The following CNOT1 variants were observed in gnomAD, a reference collection of about 807,000 sequenced individuals.
CNOT1 encodes CCR4-associated factor 1.
Under a neutral mutation model 273.8 loss-of-function variants are expected in CNOT1, and 15 were observed. That is an observed-to-expected ratio of 0.05 (90% CI 0.04 to 0.08). The LOEUF (loss-of-function observed/expected upper bound fraction) is 0.08. Among genes scored for constraint, CNOT1 ranks in the 10% least tolerant of loss-of-function variants. CNOT1 has a pLI of 1.00. For synonymous variants in CNOT1, 1,022 were observed against 1,005.5 expected (o/e 1.02, Z -0.31); for missense variants, 1,644 against 2,912.2 (o/e 0.56, Z 10.02).
intron 39 of CNOT1, 83 bp from the exon 40 acceptor site, chr16:58,534,478 A>G: frequency 7.0e-7 from 1 of 1,421,552 alleles, no homozygotes; most frequent in Non-Finnish European, 9.5e-7. Flanking sequence ...CAGGCTTAAG[A>G]GATATTCTCA....
chr16:58,543,598 C>A lies in CNOT1; in HGVS notation c.4434+9G>T, dbSNP rs754059491. On this transcript the variant is annotated intron_variant, in intron 31 of 48. Transcript: ENST00000317147. Reference sequence around the variant, plus strand: ...TTTTGTACCTATACCAAGGAAATAGCCAACTTACACGAAGGGCTGAGGCAA... The same window carrying A: ...TTTTGTACCTATACCAAGGAAATAGACAACTTACACGAAGGGCTGAGGCAA... 1.9e-6 allele frequency: 3 copies of A among 1,613,996 alleles called. No homozygotes were observed.
chr16:58,523,201 C>CG, intron 47 of CNOT1, 169 bp downstream of exon 47: 1 of 505,568 alleles, frequency 2.0e-6, no homozygotes, highest in East Asian at 3.6e-5. Flanking sequence ...GCCAAGATGG[C>CG]GCCACTGTAC....
chr16:58,538,311 T>C (rs756169869), intron 36 of CNOT1, 45 bp from the exon 37 acceptor site: 3 of 858,442 alleles, frequency 3.5e-6, no homozygotes, highest in South Asian at 2.7e-5. Context: ...TTAACCATAC[T>C]GTAAAAGGGC....
chr16:58,546,876 T>TA, intron 27 of CNOT1, 127 bp from the exon 28 acceptor site: 2 of 1,236,892 alleles, frequency 1.6e-6, no homozygotes, highest in East Asian at 2.5e-5. Flanking sequence ...AAACAAGGAT[T>TA]AAAAAATAAC....
Position 58,603,408 on chromosome 16 carries a change from A to AGTGTGT in CNOT1, c.-174-3903_-174-3898dup, listed in dbSNP as rs200088613. Among the ~76,000 whole-genome samples, 573 of 96,698 alleles carry AGTGTGT rather than the reference A, an allele frequency of 5.9e-3. 3 individuals carry two copies. Among genetic ancestry groups the AGTGTGT allele is most frequent in the Non-Finnish European group, 7.1e-3 (294 of 41,132 alleles). 63.4% of individuals were successfully genotyped at this position (96,698 alleles called of 152,430 possible). A position where few individuals can be genotyped will look rare whatever the true frequency, so the allele number is the denominator to read the frequency against. ...CTAGACCCTATCTCTACAATTTAAA[A>AGTGTGT]GTGTGTGTGTGTGTGTGTGTGTGTG... is the stretch of plus-strand genomic sequence containing the variant. On this transcript the variant is annotated intron_variant, in intron 1 of 48. Transcript: ENST00000317147.
intron 1 of CNOT1, among the ~76,000 whole-genome samples, chr16:58,610,009 C>A (rs778641931): frequency 1.3e-5 from 2 of 152,060 alleles, no homozygotes; most frequent in African/African-American, 2.4e-5. Flanking sequence ...ATAGAAAACA[C>A]AAAAGGAAAC....
At position 58,588,780 on chromosome 16, in the gene CNOT1, C is replaced by T; in HGVS notation, c.210+19G>A. On this transcript the variant is annotated intron_variant, in intron 3 of 48. Coordinates refer to ENST00000317147, the MANE Select transcript of CNOT1 (RefSeq NM_016284.5). Reference sequence around the variant, plus strand: ...ACAATTACAGCTAAGTGGACATGAACTCTGTAAGCCCCAAATACCTGATGG... The same window carrying T: ...ACAATTACAGCTAAGTGGACATGAATTCTGTAAGCCCCAAATACCTGATGG... 1.2e-6 allele frequency: 2 copies of T among 1,610,816 alleles called. No individual in the cohort carries two copies. The highest frequency in any genetic ancestry group is 2.2e-5 in the East Asian group (1 of 44,802).
intron 17 of CNOT1, among the ~76,000 whole-genome samples, chr16:58,559,089 G>C (rs146273139): frequency 6.6e-6 from 1 of 152,060 alleles, no homozygotes; most frequent in Non-Finnish European, 1.5e-5. Flanking sequence ...ATTTTATACA[G>C]TTTTTTTAAA....
At chr16:58,606,015 A>T (rs929664672) in intron 1 of CNOT1, among the ~76,000 whole-genome samples, 1 of 152,138 alleles carries the variant, frequency 6.6e-6, no homozygotes, top group Non-Finnish European at 1.5e-5. Flanking sequence ...TGCACAGTGC[A>T]AATGAAAGGT....
intron 8 of CNOT1, among the ~76,000 whole-genome samples, chr16:58,584,342 C>T (rs1373680451): frequency 6.6e-6 from 1 of 151,200 alleles, no homozygotes; most frequent in Non-Finnish European, 1.5e-5. Context: ...GTTAGTCTCG[C>T]TTTTTTTTGA....
At chr16:58,581,730 C>G (rs1055368750) in intron 10 of CNOT1, among the ~76,000 whole-genome samples, 1 of 151,972 alleles carries the variant, frequency 6.6e-6, no homozygotes, top group Non-Finnish European at 1.5e-5. Context: ...GGCATGATCT[C>G]AGCTCACTGA....
intron 16 of CNOT1, among the ~76,000 whole-genome samples, chr16:58,563,686 G>GT (rs1313457016): frequency 7.9e-5 from 12 of 152,116 alleles, no homozygotes; most frequent in Non-Finnish European, 1.6e-4. Context: ...TAGAGATACC[G>GT]TATCTCCATG....
At chr16:58,604,508 G>A (rs927389657) in intron 1 of CNOT1, among the ~76,000 whole-genome samples, 1 of 151,870 alleles carries the variant, frequency 6.6e-6, no homozygotes, top group Non-Finnish European at 1.5e-5. Context: ...AAGGCTGGGC[G>A]CGGTGGCTCA....
At chr16:58,626,325 T>A (rs2043579154) in intron 1 of CNOT1, among the ~76,000 whole-genome samples, 1 of 146,254 alleles carries the variant, frequency 6.8e-6, no homozygotes, top group East Asian at 2.1e-4. Context: ...AAGAATCGCT[T>A]GAACCTGCGA....
At chr16:58,558,432 A>G (rs746885525) in intron 18 of CNOT1, 41 bp downstream of exon 18, 2 of 1,610,976 alleles carry the variant, frequency 1.2e-6, no homozygotes, top group Non-Finnish European at 1.7e-6. Flanking sequence ...AACTAAGGCA[A>G]ACTTATGAAT....
chr16:58,569,191 C>T (rs762257771), intron 16 of CNOT1, among the ~76,000 whole-genome samples: 9 of 152,208 alleles, frequency 5.9e-5, no homozygotes, highest in Middle Eastern at 3.2e-3. Context: ...GGCACAAACT[C>T]GGCTCAGTGT....
intron 1 of CNOT1, among the ~76,000 whole-genome samples, chr16:58,603,853 C>T (rs1185004165): frequency 6.6e-6 from 1 of 152,170 alleles, no homozygotes; most frequent in East Asian, 1.9e-4. Context: ...CATTTTTCCA[C>T]ATCATATAAA....
At chr16:58,578,123 G>C (rs1014028149) in intron 13 of CNOT1, among the ~76,000 whole-genome samples, 1 of 152,158 alleles carries the variant, frequency 6.6e-6, no homozygotes, top group Non-Finnish European at 1.5e-5. Context: ...AAAGGAAAGT[G>C]ATGCCCTAGC....
chr16:58,526,004 C>T lies in CNOT1; in HGVS notation c.6588G>A (p.Leu2196=). The stretch of plus-strand genomic sequence containing the variant: ...ACCAATTAACCTGTAGGTTGCTGCG[C>T]AGATCAGACAGGAAAGTGACTGGTG... ...TRSPVTFLSD[L]RSNLQVSNEP... The change falls in exon 45 of 49, where the codon CTG becomes CTA. Residue 2196 remains leucine (L), a synonymous_variant. Transcript: ENST00000317147. The T allele has an allele frequency of 1.2e-6, 2 of 1,614,048 alleles. No homozygotes were observed. Among genetic ancestry groups the T allele is most frequent in the Non-Finnish European group, 1.7e-6 (2 of 1,179,970 alleles).
Sources: gnomAD v4.1 joint callset for allele counts (sites outside exome capture counted in the v4.1 genomes callset) on GRCh38, gnomAD v4.1.1 for gene constraint, MANE v1.5 for transcripts, NCBI Gene and HGNC (gene_info 2026-07-23, HGNC 2026-07-21) for gene names.